Variants in SDC3 observed in about 807,000 individuals in gnomAD.
SDC3 encodes the protein syndecan 3.
In SDC3, 13 loss-of-function variants were observed where a neutral mutation model predicts 24.4. The observed-to-expected ratio is 0.53, with a 90% CI of 0.35 to 0.85. The LOEUF is 0.85. Among genes scored for constraint, SDC3 ranks in the 40% least tolerant of loss-of-function variants. The probability of loss-of-function intolerance (pLI) is 0.01; values close to 1 mark genes in which losing one functional copy is unlikely to be tolerated. For synonymous variants in SDC3, 295 were observed against 260.9 expected (o/e 1.13, Z -1.26); for missense variants, 571 against 584.5 (o/e 0.98, Z 0.24).
chr1:30,892,009 C>A (rs1639912884), intron 1 of SDC3, among the ~76,000 whole-genome samples: 1 of 151,964 alleles, frequency 6.6e-6, no homozygotes, highest in African/African-American at 2.4e-5. Flanking sequence ...AAAGAAAACC[C>A]AGTGCTCACC....
chr1:30,882,430 C>T (rs1360912089), intron 1 of SDC3, among the ~76,000 whole-genome samples: 1 of 152,180 alleles, frequency 6.6e-6, no homozygotes, highest in Non-Finnish European at 1.5e-5. Flanking sequence ...CAGTGACCCA[C>T]AGGCCCCCTC....
At chr1:30,896,618 G>A (rs1640000805) in intron 1 of SDC3, among the ~76,000 whole-genome samples, 1 of 152,148 alleles carries the variant, frequency 6.6e-6, no homozygotes, top group Admixed American at 6.5e-5. Context: ...TAGGCATGAA[G>A]GAAAAAGAGA....
In SDC3 at chr1:30,872,968, G is replaced by A; in HGVS notation, c.*243C>T. The A allele has an allele frequency of 1.9e-6, 1 of 515,394 alleles. No individual in the cohort carries two copies. The highest frequency in any genetic ancestry group is 3.4e-6 in the Non-Finnish European group (1 of 291,712). 31.9% of individuals were successfully genotyped at this position (515,394 alleles called of 1,614,324 possible). On this transcript the variant is annotated 3_prime_UTR_variant, in exon 5 of 5. Coordinates refer to ENST00000339394, the MANE Select transcript of SDC3 (RefSeq NM_014654.4). ...CATGAGGTCCTGAAGCCCCAGACTG[G>A]TGGCAGGGATGAGGGGAACAAGAGA... is the stretch of plus-strand genomic sequence containing the variant.
At chr1:30,895,353 C>T (rs1639986125) in intron 1 of SDC3, among the ~76,000 whole-genome samples, 2 of 152,218 alleles carry the variant, frequency 1.3e-5, no homozygotes, top group South Asian at 4.1e-4. Context: ...CCTCAAGACA[C>T]AGCTGAGCTC....
intron 1 of SDC3, among the ~76,000 whole-genome samples, chr1:30,896,200 A>T (rs539190022): frequency 3.9e-4 from 60 of 152,156 alleles, no homozygotes; most frequent in Non-Finnish European, 7.9e-4. Flanking sequence ...GAAAGCAGGG[A>T]AAAGAAACAA....
At chr1:30,877,238 C>A (rs1352676328) in intron 2 of SDC3, 73 bp from the exon 3 acceptor site, 4 of 1,583,100 alleles carry the variant, frequency 2.5e-6, no homozygotes, top group Admixed American at 1.7e-5. Context: ...CCCAGGTAAG[C>A]AATGGCCATC....
chr1:30,903,437 G>A (rs572428206), intron 1 of SDC3, among the ~76,000 whole-genome samples: 17 of 152,224 alleles, frequency 1.1e-4, no homozygotes, highest in African/African-American at 4.1e-4. Flanking sequence ...ACACACAAAT[G>A]TACACATGCA....
At chr1:30,873,984 G>A (rs892293396) in intron 4 of SDC3, among the ~76,000 whole-genome samples, 1 of 152,012 alleles carries the variant, frequency 6.6e-6, no homozygotes, top group Non-Finnish European at 1.5e-5. Context: ...AGGAAGTAAG[G>A]TCCCAGGGGG....
chr1:30,876,438 C>T, intron 3 of SDC3, 114 bp downstream of exon 3: 1 of 889,342 alleles, frequency 1.1e-6, no homozygotes, highest in East Asian at 2.8e-5. Context: ...CCCACTTTGT[C>T]TGGCTCATCT....
In SDC3 at chr1:30,878,745, G is replaced by C. The variant is rs1422341911; in HGVS notation, c.139-5C>G. 1 of 1,613,358 alleles carries C rather than the reference G, an allele frequency of 6.2e-7. No individual in the cohort carries two copies. Among genetic ancestry groups the C allele is most frequent in the Admixed American group, 1.7e-5 (1 of 60,010 alleles). On this transcript the variant is annotated splice_region_variant and splice_polypyrimidine_tract_variant and intron_variant, in intron 1 of 4. Coordinates refer to ENST00000339394, the MANE Select transcript of SDC3 (RefSeq NM_014654.4). The stretch of plus-strand genomic sequence containing the variant: ...CTCACTGCGCCAGCGCTGGGCCTAG[G>C]GAAGGTAGAGGTGGACACAGGGCTC...
At chr1:30,878,371 A>G (rs1639684096) in intron 2 of SDC3, 1 of 430,926 alleles carries the variant, frequency 2.3e-6, no homozygotes, top group Admixed American at 3.6e-5. Context: ...CATAGCACAC[A>G]CAAAGATGCA....
intron 1 of SDC3, among the ~76,000 whole-genome samples, chr1:30,902,779 G>C: frequency 6.6e-6 from 1 of 152,208 alleles, no homozygotes; most frequent in East Asian, 1.9e-4. Flanking sequence ...AGGCCCGCCC[G>C]ATGCAGCCCC....
chr1:30,894,572 GTGTA>G (rs1639970019), intron 1 of SDC3, among the ~76,000 whole-genome samples: 1 of 145,166 alleles, frequency 6.9e-6, no homozygotes, highest in Non-Finnish European at 1.5e-5. Context: ...GAGTGTGTGG[GTGTA>G]TGTGTGGGCT....
chr1:30,874,001 A>T (rs564384672), intron 4 of SDC3, among the ~76,000 whole-genome samples: 113 of 152,228 alleles, frequency 7.4e-4, no homozygotes, highest in African/African-American at 2.6e-3. Flanking sequence ...GGGGTCAGCC[A>T]GTGTGGCCCA....
chr1:30,902,872 G>A (rs1335101118), intron 1 of SDC3, among the ~76,000 whole-genome samples: 1 of 152,224 alleles, frequency 6.6e-6, no homozygotes, highest in African/African-American at 2.4e-5. Context: ...ACCTACACAG[G>A]AAAGGACACA....
At chr1:30,898,230 CCT>C (rs1316995391) in intron 1 of SDC3, among the ~76,000 whole-genome samples, 1 of 152,148 alleles carries the variant, frequency 6.6e-6, no homozygotes, top group African/African-American at 2.4e-5. Flanking sequence ...GTGGTAGCTC[CCT>C]GATATACTGC....
rs762479809 is a variant in SDC3 at position 30,874,402 on chromosome 1, C to A, written c.1057G>T (p.Gly353Cys). 6.2e-7 allele frequency: 1 copy of A among 1,614,016 alleles called. No individual in the cohort carries two copies. The highest frequency in any genetic ancestry group is 1.3e-5 in the African/African-American group (1 of 74,934). The change falls in exon 4 of 5, where the codon GGT becomes TGT. Residue 353 changes from glycine to cysteine, a missense_variant. Gly to Cys is a radical substitution (Grantham distance 159). Coordinates refer to ENST00000339394, the MANE Select transcript of SDC3 (RefSeq NM_014654.4). ...AGGAGGCCAGGGCCCGGGCGGGCAC[C>A]CTTGGGCAGTGTCCCAGGTGGAGAT... ...ASSPPGTLPK[G>C]ARPGPGLLDN...
chr1:30,899,662 G>A (rs7368024), intron 1 of SDC3, among the ~76,000 whole-genome samples: 75,912 of 151,998 alleles, frequency 0.5, 19,783 homozygotes, highest in East Asian at 0.67. Context: ...GAGCTACCTC[G>A]CCCAGCCAAA....
rs772126635 is a variant in SDC3, at chr1:30,874,469, G to A, written c.990C>T (p.Ala330=). The change falls in exon 4 of 5, where the codon GCC becomes GCT. Residue 330 remains alanine, a synonymous_variant. Coordinates refer to ENST00000339394, the MANE Select transcript of SDC3 (RefSeq NM_014654.4). ...CCCCTCCCACAGCTACCACCTCATT[G>A]GCTGTGTCTGGTTGTGTGGTCTCTT... The part of the protein sequence containing the change: ...PEEETTQPDT[A]NEVVAVGGAA... 4.3e-6 allele frequency: 7 copies of A among 1,614,026 alleles called. No homozygotes were observed. Among genetic ancestry groups the A allele is most frequent in the Non-Finnish European group, 5.9e-6 (7 of 1,180,014 alleles).
Sources: gnomAD v4.1 joint callset for allele counts (sites outside exome capture counted in the v4.1 genomes callset) on GRCh38, gnomAD v4.1.1 for gene constraint, MANE v1.5 for transcripts, NCBI Gene and HGNC (gene_info 2026-07-23, HGNC 2026-07-21) for gene names.